CNTN5: variants seen among roughly 807,000 people sequenced by gnomAD.
CNTN5 encodes contactin-5.
CNTN5 carries 77 observed loss-of-function variants against 129.1 expected under a neutral mutation model. The ratio of observed to expected loss-of-function variants is 0.60; its 90% CI spans 0.50 to 0.72. CNTN5 has a LOEUF of 0.72. Ranked by LOEUF, CNTN5 falls within the 30% of genes least tolerant of loss-of-function variation. The pLI is 0.00. For missense variants in CNTN5, 1,478 were observed against 1,328.8 expected (o/e 1.11, Z -1.75); for synonymous variants, 509 against 465.6 (o/e 1.09, Z -1.20).
intron 1 of CNTN5, among the ~76,000 whole-genome samples, chr11:99,075,504 A>T (rs1464277465): frequency 6.6e-6 from 1 of 152,206 alleles, no homozygotes; most frequent in East Asian, 1.9e-4. Flanking sequence ...AATCAAAAGA[A>T]ATGTAAAATT....
intron 6 of CNTN5, among the ~76,000 whole-genome samples, chr11:99,862,619 T>G (rs1948243074): frequency 6.6e-6 from 1 of 152,162 alleles, no homozygotes; most frequent in South Asian, 2.1e-4. Context: ...TTTATTTAGT[T>G]TATAAAGTAA....
At chr11:100,261,795 A>C (rs531599385) in intron 17 of CNTN5, among the ~76,000 whole-genome samples, 1 of 152,300 alleles carries the variant, frequency 6.6e-6, no homozygotes, top group African/African-American at 2.4e-5. Flanking sequence ...ACAAAAATTA[A>C]CTCAAGATGG....
chr11:100,038,789 A>T (rs1426353972), intron 9 of CNTN5, among the ~76,000 whole-genome samples: 2 of 151,830 alleles, frequency 1.3e-5, no homozygotes, highest in Non-Finnish European at 2.9e-5. Context: ...TAGGATTGCA[A>T]CCCCTGCCTT....
intron 1 of CNTN5, among the ~76,000 whole-genome samples, chr11:99,300,849 A>T (rs1279359222): frequency 6.6e-6 from 1 of 152,026 alleles, no homozygotes; most frequent in Non-Finnish European, 1.5e-5. Flanking sequence ...GTAAACTTGT[A>T]AAACATGATG....
At chr11:99,813,460 G>A (rs1469164721) in intron 3 of CNTN5, among the ~76,000 whole-genome samples, 1 of 152,140 alleles carries the variant, frequency 6.6e-6, no homozygotes, top group Non-Finnish European at 1.5e-5. Flanking sequence ...AGGATCTGAA[G>A]CAAAACCACA....
At chr11:99,994,741 TTC>T (rs1939336436) in intron 8 of CNTN5, among the ~76,000 whole-genome samples, 1 of 152,188 alleles carries the variant, frequency 6.6e-6, no homozygotes. Context: ...CATAGGTAGC[TTC>T]TAAACAGGAT....
chr11:99,988,792 A>G (rs1284047472), intron 8 of CNTN5, among the ~76,000 whole-genome samples: 1 of 152,008 alleles, frequency 6.6e-6, no homozygotes, highest in Non-Finnish European at 1.5e-5. Flanking sequence ...CAATTGTCTT[A>G]GCCTTATCCT....
At chr11:99,400,324 A>G (rs1941736800) in intron 2 of CNTN5, among the ~76,000 whole-genome samples, 1 of 152,082 alleles carries the variant, frequency 6.6e-6, no homozygotes, top group Non-Finnish European at 1.5e-5. Context: ...ACTCCAGTTC[A>G]TTATGAACGG....
chr11:100,000,529 T>A (rs1939791986), intron 8 of CNTN5, among the ~76,000 whole-genome samples: 2 of 152,174 alleles, frequency 1.3e-5, no homozygotes, highest in South Asian at 2.1e-4. Context: ...TGGGCTGCCG[T>A]TGAGTGCCTA....
intron 2 of CNTN5, among the ~76,000 whole-genome samples, chr11:99,533,625 C>G (rs947979916): frequency 1.3e-5 from 2 of 152,220 alleles, no homozygotes; most frequent in Non-Finnish European, 2.9e-5. Context: ...TACACTTACA[C>G]TCAGGGCAGA....
intron 3 of CNTN5, among the ~76,000 whole-genome samples, chr11:99,705,259 C>A (rs191750970): frequency 4.6e-4 from 70 of 151,404 alleles, no homozygotes; most frequent in African/African-American, 1.6e-3. Flanking sequence ...ACAGAGATTT[C>A]TTCAAGGCCT....
chr11:99,624,384 CCTT>C (rs1313001562), intron 3 of CNTN5, among the ~76,000 whole-genome samples: 1 of 151,942 alleles, frequency 6.6e-6, no homozygotes, highest in Admixed American at 6.6e-5. Context: ...TAGAAGCTGT[CCTT>C]CTAATTGGCT....
intron 3 of CNTN5, among the ~76,000 whole-genome samples, chr11:99,637,037 A>AAAAAAAAAAAAAAAAAAAAAAAT (rs1951587166): frequency 7.0e-6 from 1 of 142,222 alleles, no homozygotes; most frequent in South Asian, 2.2e-4. Context: ...AAAAAAAAAA[A>AAAAAAAAAAAAAAAAAAAAAAAT]AAAAGTAAAT....
At position 99,802,024 on chromosome 11, in the gene CNTN5, G is replaced by T. The variant is rs1326257515; in HGVS notation, c.56-17520G>T. Among the ~76,000 whole-genome samples the T allele has an allele frequency of 2.0e-5, 3 of 152,104 alleles. No individual in the cohort carries two copies. The East Asian group carries it at 5.8e-4, about 29-fold the overall frequency. On this transcript the variant is annotated intron_variant, in intron 3 of 24. Coordinates refer to ENST00000524871, the MANE Select transcript of CNTN5 (RefSeq NM_014361.4). ...GGGATTTCTAATATTTGTAATTTGTGCATTAGGGTTTTCTCTTCGTTTTCC... is the reference window on the plus strand; with the variant it reads ...GGGATTTCTAATATTTGTAATTTGTTCATTAGGGTTTTCTCTTCGTTTTCC...
At chr11:99,861,753 A>G (rs1948214256) in intron 6 of CNTN5, among the ~76,000 whole-genome samples, 1 of 152,200 alleles carries the variant, frequency 6.6e-6, no homozygotes, top group South Asian at 2.1e-4. Context: ...AAATAAGCAC[A>G]ATCCAGCCTA....
chr11:100,344,816 A>T (rs1952243814), intron 23 of CNTN5, among the ~76,000 whole-genome samples: 2 of 152,246 alleles, frequency 1.3e-5, no homozygotes, highest in South Asian at 2.1e-4. Flanking sequence ...TAAAGGAATA[A>T]TACATTGTCC....
At chr11:100,040,784 G>C (rs1426699209) in intron 9 of CNTN5, among the ~76,000 whole-genome samples, 1 of 152,242 alleles carries the variant, frequency 6.6e-6, no homozygotes, top group Admixed American at 6.5e-5. Flanking sequence ...CCAAGTGCGG[G>C]ATATAATCTC....
chr11:100,060,886 C>T (rs1943443703), intron 9 of CNTN5, among the ~76,000 whole-genome samples: 1 of 152,036 alleles, frequency 6.6e-6, no homozygotes, highest in Non-Finnish European at 1.5e-5. Context: ...GGTGATCTGC[C>T]CGCCTTGGCC....
intron 16 of CNTN5, among the ~76,000 whole-genome samples, chr11:100,254,283 C>T (rs79971316): frequency 0.069 from 10,528 of 152,132 alleles, 420 homozygotes; most frequent in South Asian, 0.12. Context: ...ATCCTCCAGC[C>T]CCCAATCTAA....
Sources: gnomAD v4.1 joint callset for allele counts (sites outside exome capture counted in the v4.1 genomes callset) on GRCh38, gnomAD v4.1.1 for gene constraint, MANE v1.5 for transcripts, NCBI Gene and HGNC (gene_info 2026-07-23, HGNC 2026-07-21) for gene names.